LRIG2: variants seen among roughly 807,000 people sequenced by gnomAD.
LRIG2 encodes leucine-rich repeats and immunoglobulin-like domains protein 2.
LRIG2 carries 93 observed loss-of-function variants against 107.8 expected under a neutral mutation model. That is an observed-to-expected ratio of 0.86 (90% CI 0.73 to 1.03). LRIG2 has a LOEUF of 1.03. LRIG2 is among the 50% of genes least tolerant of loss of function. The pLI, the probability that LRIG2 is intolerant of heterozygous loss-of-function variation, is 0.00. For synonymous variants in LRIG2, 471 were observed against 470.6 expected (o/e 1.00, Z -0.01); for missense variants, 1,226 against 1,296.0 (o/e 0.95, Z 0.83).
At chr1:113,079,661 G>A (rs1653162865) in intron 1 of LRIG2, among the ~76,000 whole-genome samples, 1 of 137,904 alleles carries the variant, frequency 7.3e-6, no homozygotes, top group Non-Finnish European at 1.5e-5. Context: ...AACAGAGCAA[G>A]ACTCCATCTC....
At position 113,099,255 on chromosome 1, in the gene LRIG2, T is replaced by TTTTTTTTTG. The variant is rs59585603; in HGVS notation, c.1172+470_1172+471insTTTTTTTTG. ...TGGCTGGTTTTTTTCTTTTTTTTTT[T>TTTTTTTTTG]GAGACAGGGTCTTGCTCTGTCACCC... On this transcript the variant is annotated intron_variant, in intron 9 of 17. Coordinates refer to ENST00000361127, the MANE Select transcript of LRIG2 (RefSeq NM_014813.3). 2.2e-4 allele frequency among the ~76,000 whole-genome samples: 33 copies of TTTTTTTTTG among 148,778 alleles called. 1 individual carries two copies. In the South Asian group the frequency reaches 2.5e-3, roughly 11 times the overall value.
In LRIG2 at chr1:113,131,427, C is replaced by T. The variant is rs1655698680; in HGVS notation, c.*7326C>T. 1 of 152,090 alleles carries T rather than the reference C, an allele frequency of 6.6e-6. No individual in the cohort carries two copies. The highest frequency in any genetic ancestry group is 1.5e-5 in the Non-Finnish European group (1 of 68,036). 9.4% of individuals were successfully genotyped at this position (152,090 alleles called of 1,614,324 possible). Reference sequence around the variant, plus strand: ...AGGTAAATTTGCTGTCATTTTATGCCACATCCTCTTTTCTTACTTTGCTTC... The same window carrying T: ...AGGTAAATTTGCTGTCATTTTATGCTACATCCTCTTTTCTTACTTTGCTTC... On this transcript the variant is annotated 3_prime_UTR_variant, in exon 18 of 18. Transcript: ENST00000361127.
Position 113,128,997 on chromosome 1 carries a change from A to G in LRIG2, c.*4896A>G, listed in dbSNP as rs1253990553. The G allele has an allele frequency of 2.0e-5, 3 of 152,270 alleles. No individual in the cohort carries two copies. The highest frequency in any genetic ancestry group is 3.9e-4 in the East Asian group (2 of 5,178). The allele number at this position is 152,270 out of a possible 1,614,324, so 9.4% of individuals were successfully genotyped here. A position where few individuals can be genotyped will look rare whatever the true frequency, so the allele number is the denominator to read the frequency against. ...CACCCGTCATGTGTGAGAGAGCAGA[A>G]GATAGCCTGTGAGCCAGTGCTCTAG... On this transcript the variant is annotated 3_prime_UTR_variant, in exon 18 of 18. Transcript: ENST00000361127.
intron 14 of LRIG2, among the ~76,000 whole-genome samples, chr1:113,114,100 G>T (rs995234617): frequency 1.3e-5 from 2 of 151,834 alleles, no homozygotes; most frequent in Admixed American, 6.6e-5. Flanking sequence ...TACACATTTT[G>T]TAGTAAACAT....
In LRIG2 at chr1:113,119,452, A is replaced by C. The variant is rs886385433; in HGVS notation, c.2900A>C (p.Glu967Ala). The C allele has an allele frequency of 3.7e-6, 6 of 1,614,168 alleles. No homozygotes were observed. The South Asian group carries it at 4.4e-5, about 12-fold the overall frequency. ...LESLIPSANR[E>A]PSAFPTNHER... ...AGCCTGATACCGTCAGCCAACAGAG[A>C]GCCATCTGCCTTTCCCACCAACCAT... Residue 967 changes from glutamate (E) to alanine (A), a missense_variant, in exon 17 of 18, where the codon GAG becomes GCG. By Grantham distance (107) the Glu-to-Ala change is moderately radical. Around this residue, in one of 3 missense-constraint regions of LRIG2, gnomAD observed 642 missense variants for 712.2 expected, o/e 0.90. Transcript: ENST00000361127.
intron 17 of LRIG2, among the ~76,000 whole-genome samples, chr1:113,121,923 C>T (rs1317054520): frequency 1.3e-5 from 2 of 151,980 alleles, no homozygotes; most frequent in African/African-American, 4.8e-5. Context: ...GGACTTGGAA[C>T]ATTCAAGATG....
chr1:113,129,320 A>AAAAC lies in LRIG2; in HGVS notation c.*5222_*5223insCAAA, dbSNP rs1553232626. ...GTGAGACTCCGTCTCAAAAAAAAAA[A>AAAAC]AAAAAAAACCCGTGTAGGAGTACTG... On this transcript the variant is annotated 3_prime_UTR_variant, in exon 18 of 18. Transcript: ENST00000361127. 6.6e-6 allele frequency: 1 copy of AAAAC among 151,346 alleles called. No individual in the cohort carries two copies. Among genetic ancestry groups the AAAAC allele is most frequent in the African/African-American group, 2.4e-5 (1 of 41,116 alleles). The allele number at this position is 151,346 out of a possible 1,614,324, so 9.4% of individuals were successfully genotyped here.
At chr1:113,100,695 CCTT>C (rs998447001) in intron 11 of LRIG2, 14 of 421,212 alleles carry the variant, frequency 3.3e-5, no homozygotes, top group African/African-American at 2.3e-4. Context: ...GGCACCAAGA[CCTT>C]CTGTTTTGCC....
At position 113,089,682 on chromosome 1, in the gene LRIG2, T is replaced by TC. The variant is rs999714140; in HGVS notation, c.240-1636_240-1635insC. 3.0e-5 allele frequency among the ~76,000 whole-genome samples: 4 copies of TC among 132,476 alleles called. No individual in the cohort carries two copies. In the East Asian group the frequency reaches 6.5e-4, roughly 22 times the overall value. The allele number at this position is 132,476 out of a possible 152,430, so 86.9% of individuals were successfully genotyped here. ...TCTTACTGAAGGTGGATTGCTTTTTTTTTTTTTTTTTTTTTTGGAGACAGA... is the reference window on the plus strand; with the variant it reads ...TCTTACTGAAGGTGGATTGCTTTTTTCTTTTTTTTTTTTTTTTGGAGACAGA... On this transcript the variant is annotated intron_variant, in intron 1 of 17. Coordinates refer to ENST00000361127, the MANE Select transcript of LRIG2 (RefSeq NM_014813.3).
At chr1:113,105,376 T>A (rs1354497325) in intron 11 of LRIG2, among the ~76,000 whole-genome samples, 1 of 152,182 alleles carries the variant, frequency 6.6e-6, no homozygotes, top group African/African-American at 2.4e-5. Flanking sequence ...TAGTGAGGAT[T>A]TGAGGAGCTT....
chr1:113,100,976 T>C lies in LRIG2; in HGVS notation c.1313+488T>C, dbSNP rs115533702. Among the ~76,000 whole-genome samples, 785 of 152,314 alleles carry C rather than the reference T, an allele frequency of 5.2e-3. 10 individuals carry two copies. The highest frequency in any genetic ancestry group is 0.018 in the African/African-American group (737 of 41,572). On this transcript the variant is annotated intron_variant, in intron 11 of 17. Coordinates refer to ENST00000361127, the MANE Select transcript of LRIG2 (RefSeq NM_014813.3). ...TGTGTGTATGTATCATTTTATACCC[T>C]TTTTCATTGATGAGTTTTAAAAATT...
chr1:113,090,628 G>T (rs545537828), intron 1 of LRIG2, among the ~76,000 whole-genome samples: 71 of 151,590 alleles, frequency 4.7e-4, no homozygotes, highest in Admixed American at 4.6e-3. Flanking sequence ...ACGAGGTCAG[G>T]AGATCGAGAC....
At chr1:113,088,742 T>C (rs190313271) in intron 1 of LRIG2, among the ~76,000 whole-genome samples, 7 of 152,310 alleles carry the variant, frequency 4.6e-5, no homozygotes, top group Admixed American at 3.9e-4. Flanking sequence ...CTAACTTAAA[T>C]TAAAACAGTT....
intron 1 of LRIG2, among the ~76,000 whole-genome samples, chr1:113,081,150 A>G (rs1258506399): frequency 6.6e-6 from 1 of 152,062 alleles, no homozygotes; most frequent in Non-Finnish European, 1.5e-5. Flanking sequence ...CCAAAAAGTT[A>G]TTACTAACTC....
At position 113,087,611 on chromosome 1, in the gene LRIG2, A is replaced by C. The variant is rs372680477; in HGVS notation, c.240-3707A>C. On this transcript the variant is annotated intron_variant, in intron 1 of 17. Transcript: ENST00000361127. ...CGATCCACCCACCTCGGCCTCCCAAAGTGCTGGGATTACAGGTGTGAGCCA... is the reference window on the plus strand; with the variant it reads ...CGATCCACCCACCTCGGCCTCCCAACGTGCTGGGATTACAGGTGTGAGCCA... Among the ~76,000 whole-genome samples, 6 of 152,308 alleles carry C rather than the reference A, an allele frequency of 3.9e-5. No individual in the cohort carries two copies. In the East Asian group the frequency reaches 9.6e-4, roughly 24 times the overall value.
At chr1:113,073,727 T>C (rs1652823060) in intron 1 of LRIG2, 82 bp downstream of exon 1, 2 of 1,315,764 alleles carry the variant, frequency 1.5e-6, no homozygotes, top group Non-Finnish European at 2.1e-6. Flanking sequence ...GAGACAGGCC[T>C]GGTCGGAGGG....
In LRIG2 at chr1:113,108,286, C is replaced by T. The variant is rs148544665; in HGVS notation, c.1477+529C>T. On this transcript the variant is annotated intron_variant, in intron 12 of 17. Coordinates refer to ENST00000361127, the MANE Select transcript of LRIG2 (RefSeq NM_014813.3). ...TCACCCAGGCTGGAGTGCAGTGGTG[C>T]GATCTCAGCTCACTGCAACCTCTGC... Among the ~76,000 whole-genome samples, 22 of 149,144 alleles carry T rather than the reference C, an allele frequency of 1.5e-4. No individual in the cohort carries two copies. The East Asian group carries it at 1.6e-3, about 11-fold the overall frequency.
intron 1 of LRIG2, among the ~76,000 whole-genome samples, chr1:113,075,702 T>C (rs2101009791): frequency 6.7e-6 from 1 of 148,936 alleles, no homozygotes; most frequent in African/African-American, 2.5e-5. Flanking sequence ...CTTTTTTTTT[T>C]TTTTTTTTTT....
At chr1:113,086,918 T>C (rs916755683) in intron 1 of LRIG2, among the ~76,000 whole-genome samples, 1 of 152,146 alleles carries the variant, frequency 6.6e-6, no homozygotes, top group Admixed American at 6.6e-5. Flanking sequence ...AGCTAGACTT[T>C]AGGTTTAAGT....
Sources: gnomAD v4.1 joint callset for allele counts (sites outside exome capture counted in the v4.1 genomes callset) on GRCh38, gnomAD v4.1.1 for gene constraint, gnomAD v4.1.1 regional missense constraint, MANE v1.5 for transcripts, NCBI Gene and HGNC (gene_info 2026-07-23, HGNC 2026-07-21) for gene names.